SLIT2: variants seen among roughly 807,000 people sequenced by gnomAD.
SLIT2 encodes slit homolog 2 protein.
A neutral mutation model predicts 185.7 loss-of-function variants in SLIT2; 41 were observed. The observed-to-expected ratio is 0.22, with a 90% CI of 0.17 to 0.29. The LOEUF (loss-of-function observed/expected upper bound fraction) is 0.29, where lower values mean the gene tolerates loss of function less well. SLIT2 is among the 10% of genes least tolerant of loss of function. SLIT2 has a pLI of 1.00. For synonymous variants in SLIT2, 693 were observed against 680.2 expected, an observed-to-expected ratio of 1.02 and a Z score of -0.29; for missense variants, 1,571 against 1,909.0, an observed-to-expected ratio of 0.82 and a Z score of 3.30.
At chr4:20,532,164 T>G in intron 17 of SLIT2, 106 bp downstream of exon 17, 1 of 647,186 alleles carries the variant, frequency 1.5e-6, no homozygotes. Flanking sequence ...CCTGGGAAAT[T>G]TCCCTATGAT....
At chr4:20,299,164 C>T (rs945790413) in intron 4 of SLIT2, among the ~76,000 whole-genome samples, 3 of 152,082 alleles carry the variant, frequency 2.0e-5, no homozygotes, top group African/African-American at 7.2e-5. Flanking sequence ...TTTGCTCTTG[C>T]CACACCAGTT....
chr4:20,523,799 T>C lies in SLIT2; in HGVS notation c.1170T>C (p.Asp390=), dbSNP rs1232227460. The C allele has an allele frequency of 3.1e-6, 5 of 1,613,962 alleles. No individual in the cohort carries two copies. The highest frequency in any genetic ancestry group is 4.2e-6 in the Non-Finnish European group (5 of 1,179,932). ...ACAAGATAAACTGCCTTCGGGTAGA[T>C]GCTTTTCAGGATCTCCACAACTTGA... The part of the protein sequence containing the change: ...NANKINCLRV[D]AFQDLHNLNL... The change falls in exon 13 of 37, where the codon GAT becomes GAC. Residue 390 remains aspartate (D), a synonymous_variant. Coordinates refer to ENST00000504154, the MANE Select transcript of SLIT2 (RefSeq NM_004787.4).
chr4:20,568,976 C>T lies in SLIT2; in HGVS notation c.3060C>T (p.Tyr1020=), dbSNP rs1046474921. 4 of 1,612,342 alleles carry T rather than the reference C, an allele frequency of 2.5e-6. No individual in the cohort carries two copies. Among genetic ancestry groups the T allele is most frequent in the Non-Finnish European group, 2.5e-6 (3 of 1,178,754 alleles). ...CATGTGTCGATGGCATTAATAACTA[C>T]ACATGCCTTTGCCCACCTGAGTATA... ...NSTCVDGINN[Y]TCLCPPEYTG... The change falls in exon 29 of 37, where the codon TAC becomes TAT. Residue 1020 remains tyrosine, a synonymous_variant. Transcript: ENST00000504154.
At chr4:20,469,612 A>G (rs1395852393) in intron 5 of SLIT2, among the ~76,000 whole-genome samples, 2 of 152,020 alleles carry the variant, frequency 1.3e-5, no homozygotes, top group African/African-American at 4.8e-5. Context: ...TTTTATTATC[A>G]TTTATGCAGT....
intron 36 of SLIT2, 42 bp from the exon 37 acceptor site, chr4:20,618,726 G>A: frequency 6.5e-7 from 1 of 1,544,370 alleles, no homozygotes; most frequent in Admixed American, 1.8e-5. Context: ...ATGACTTACA[G>A]TGACTGTTCT....
intron 9 of SLIT2, among the ~76,000 whole-genome samples, chr4:20,501,447 G>A (rs1184987991): frequency 6.6e-6 from 1 of 151,958 alleles, no homozygotes; most frequent in Non-Finnish European, 1.5e-5. Flanking sequence ...CACCACACCC[G>A]GCTTTTTTGT....
intron 4 of SLIT2, among the ~76,000 whole-genome samples, chr4:20,329,038 G>C (rs765492499): frequency 2.0e-5 from 3 of 151,954 alleles, no homozygotes; most frequent in Non-Finnish European, 4.4e-5. Context: ...AGAATATGGG[G>C]ACATTTGTGT....
chr4:20,368,219 C>CAAAAAAAAAAAAAAGAAAA (rs1723273594), intron 4 of SLIT2, among the ~76,000 whole-genome samples: 5 of 107,426 alleles, frequency 4.7e-5, no homozygotes, highest in Non-Finnish European at 5.6e-5. Context: ...CACAAAATAG[C>CAAAAAAAAAAAAAAGAAAA]AAAAAAAAAA....
rs939415105 is a variant in SLIT2 at position 20,315,642 on chromosome 4, G to A, written c.395+46761G>A. 7.2e-5 allele frequency among the ~76,000 whole-genome samples: 11 copies of A among 152,026 alleles called. No individual in the cohort carries two copies. The East Asian group carries it at 1.9e-3, about 27-fold the overall frequency. Reference sequence around the variant, plus strand: ...TCTCATTGATAAAATTATCAGAAAGGAAAAAACATAAGAAAGTTAAAATTT... The same window carrying A: ...TCTCATTGATAAAATTATCAGAAAGAAAAAAACATAAGAAAGTTAAAATTT... On this transcript the variant is annotated intron_variant, in intron 4 of 36. Transcript: ENST00000504154.
At chr4:20,403,858 G>T (rs1419708323) in intron 4 of SLIT2, among the ~76,000 whole-genome samples, 1 of 148,406 alleles carries the variant, frequency 6.7e-6, no homozygotes, top group East Asian at 2.0e-4. Context: ...TTCATTCAAT[G>T]AAGACATTGA....
chr4:20,387,395 T>A (rs1393291720), intron 4 of SLIT2, among the ~76,000 whole-genome samples: 2 of 142,890 alleles, frequency 1.4e-5, no homozygotes, highest in East Asian at 3.9e-4. Context: ...TAAAAATAAT[T>A]ATGTTCTCAA....
At chr4:20,393,403 A>G (rs1725602856) in intron 4 of SLIT2, 2 of 152,210 alleles carry the variant, frequency 1.3e-5, no homozygotes, top group South Asian at 4.1e-4. Flanking sequence ...TTCTCCGAAT[A>G]TGATAATGTG....
At chr4:20,531,253 CAA>C (rs973926940) in intron 16 of SLIT2, among the ~76,000 whole-genome samples, 6 of 152,086 alleles carry the variant, frequency 3.9e-5, no homozygotes, top group African/African-American at 1.4e-4. Context: ...AATGGATAAA[CAA>C]ATGTGTCATG....
intron 4 of SLIT2, among the ~76,000 whole-genome samples, chr4:20,463,545 G>A (rs188232258): frequency 0.015 from 2,082 of 134,370 alleles, 38 homozygotes; most frequent in Middle Eastern, 0.035. Flanking sequence ...GTGTGTGTGT[G>A]TATATGTATA....
chr4:20,482,960 A>G (rs1352645725), intron 6 of SLIT2, among the ~76,000 whole-genome samples: 2 of 151,978 alleles, frequency 1.3e-5, no homozygotes, highest in Non-Finnish European at 2.9e-5. Flanking sequence ...AAATACAACA[A>G]AAGTTTACCT....
At chr4:20,322,644 A>T (rs1719199458) in intron 4 of SLIT2, among the ~76,000 whole-genome samples, 1 of 152,208 alleles carries the variant, frequency 6.6e-6, no homozygotes, top group Non-Finnish European at 1.5e-5. Flanking sequence ...TATTTATACA[A>T]TAGCAATACT....
chr4:20,324,452 A>T (rs1316454865), intron 4 of SLIT2, among the ~76,000 whole-genome samples: 1 of 152,178 alleles, frequency 6.6e-6, no homozygotes, highest in Non-Finnish European at 1.5e-5. Flanking sequence ...TCCTTTTAAA[A>T]TTCTTCCTTA....
At chr4:20,303,646 CA>C in intron 4 of SLIT2, among the ~76,000 whole-genome samples, 1 of 152,290 alleles carries the variant, frequency 6.6e-6, no homozygotes, top group African/African-American at 2.4e-5. Flanking sequence ...AATGGATAAA[CA>C]AACAACAGTG....
chr4:20,373,794 T>C (rs1023745388), intron 4 of SLIT2, among the ~76,000 whole-genome samples: 2 of 152,058 alleles, frequency 1.3e-5, no homozygotes, highest in Non-Finnish European at 2.9e-5. Context: ...GCAATGATAA[T>C]ACTCTGTGGT....
Sources: gnomAD v4.1 joint callset for allele counts (sites outside exome capture counted in the v4.1 genomes callset) on GRCh38, gnomAD v4.1.1 for gene constraint, MANE v1.5 for transcripts, NCBI Gene and HGNC (gene_info 2026-07-23, HGNC 2026-07-21) for gene names.